Variants in SCMH1 observed in about 807,000 individuals in gnomAD.
The protein encoded by SCMH1 is polycomb protein SCMH1.
SCMH1 carries 37 observed loss-of-function variants against 70.8 expected under a neutral mutation model. The ratio of observed to expected loss-of-function variants is 0.52; its 90% CI spans 0.40 to 0.69. The LOEUF is 0.69. Among genes scored for constraint, SCMH1 ranks in the 30% least tolerant of loss-of-function variants. SCMH1 has a pLI of 0.00. For synonymous variants in SCMH1, 292 were observed against 307.4 expected, an observed-to-expected ratio of 0.95 and a Z score of 0.52; for missense variants, 607 against 827.3, an observed-to-expected ratio of 0.73 and a Z score of 3.27.
rs752943132 is a variant in SCMH1 at position 41,113,369 on chromosome 1, T to C, written c.659A>G (p.Tyr220Cys). Residue 220 changes from tyrosine to cysteine, a missense_variant, in exon 8 of 15, where the codon TAC becomes TGC. Transcript: ENST00000337495. This position sits in a 1 kb window ranked among gnomAD's most constrained non-coding sequence, Gnocchi z 4.3. ...GTCTCGGGAGTCGAAGCGGCACCAG[T>C]AGTCAAAGGCCCCTCGCCACCCATC... The C allele has an allele frequency of 6.2e-7, 1 of 1,613,820 alleles. No homozygotes were observed. Among genetic ancestry groups the C allele is most frequent in the Non-Finnish European group, 8.5e-7 (1 of 1,179,920 alleles).
chr1:41,205,238 G>A (rs1379183900), intron 1 of SCMH1, among the ~76,000 whole-genome samples: 1 of 152,196 alleles, frequency 6.6e-6, no homozygotes, highest in African/African-American at 2.4e-5. Flanking sequence ...GCATGACGGG[G>A]CATCACCTCA....
At position 41,117,865 on chromosome 1, in the gene SCMH1, C is replaced by G. The variant is rs562387515; in HGVS notation, c.413-855G>C. 3.3e-5 allele frequency among the ~76,000 whole-genome samples: 5 copies of G among 152,236 alleles called. 1 individual carries two copies. The highest frequency in any genetic ancestry group is 1.2e-4 in the African/African-American group (5 of 41,542). On this transcript the variant is annotated intron_variant, in intron 6 of 14. Transcript: ENST00000337495. ...CCTATCATGGGAGACGGCTCACACTCCTTACCCTGCCCCTTTGTCTTGTAT... is the reference window on the plus strand; with the variant it reads ...CCTATCATGGGAGACGGCTCACACTGCTTACCCTGCCCCTTTGTCTTGTAT...
At chr1:41,239,254 T>C (rs553637575) in intron 1 of SCMH1, among the ~76,000 whole-genome samples, 29 of 152,342 alleles carry the variant, frequency 1.9e-4, no homozygotes, top group African/African-American at 7.0e-4. Context: ...CTGTTTGTGG[T>C]TCTCTACGCA....
chr1:41,073,799 T>C (rs1206721037), intron 9 of SCMH1, among the ~76,000 whole-genome samples: 2 of 152,172 alleles, frequency 1.3e-5, no homozygotes, highest in Non-Finnish European at 2.9e-5. Flanking sequence ...GGAGCTTATA[T>C]TGTACAAGGA....
At chr1:41,156,190 C>T (rs995186878) in intron 4 of SCMH1, among the ~76,000 whole-genome samples, 1 of 152,072 alleles carries the variant, frequency 6.6e-6, no homozygotes, top group Admixed American at 6.6e-5. Flanking sequence ...GTCCCAAATC[C>T]CTCAACTGCT....
At chr1:41,214,458 T>C (rs192446057) in intron 1 of SCMH1, among the ~76,000 whole-genome samples, 7 of 152,290 alleles carry the variant, frequency 4.6e-5, no homozygotes, top group African/African-American at 1.7e-4. Context: ...TATACACCTT[T>C]TACATTTCAA....
At chr1:41,027,893 T>G in exon 15 of SCMH1, 1 of 352,610 alleles carries the variant, frequency 2.8e-6, no homozygotes, top group South Asian at 5.4e-5. Flanking sequence ...TGGAAGGCAT[T>G]CAGCCTAAAC....
chr1:41,035,195 A>G (rs933129296), intron 13 of SCMH1, among the ~76,000 whole-genome samples: 1 of 152,280 alleles, frequency 6.6e-6, no homozygotes, highest in South Asian at 2.1e-4. Context: ...TTAGCCTTGC[A>G]TCCTTCCTAC....
At chr1:41,033,961 A>G in intron 13 of SCMH1, 22 bp downstream of exon 14, 3 of 1,613,880 alleles carry the variant, frequency 1.9e-6, no homozygotes, top group Non-Finnish European at 2.5e-6. Flanking sequence ...GAAGATAAAA[A>G]TAACAGTAAC....
At chr1:41,055,405 A>C (rs1331264924) in intron 10 of SCMH1, among the ~76,000 whole-genome samples, 1 of 152,054 alleles carries the variant, frequency 6.6e-6, no homozygotes, top group Non-Finnish European at 1.5e-5. Flanking sequence ...GCTGGAGTGC[A>C]GTGGTGCAAT....
At chr1:41,200,071 G>A (rs1029895460) in intron 1 of SCMH1, among the ~76,000 whole-genome samples, 2 of 152,198 alleles carry the variant, frequency 1.3e-5, no homozygotes, top group African/African-American at 4.8e-5. Flanking sequence ...TTAATGCAAG[G>A]AAGGAACTAA....
At chr1:41,168,373 T>A (rs1195860283) in intron 2 of SCMH1, among the ~76,000 whole-genome samples, 1 of 152,146 alleles carries the variant, frequency 6.6e-6, no homozygotes, top group East Asian at 1.9e-4. Context: ...CAGTGACCTG[T>A]CTTTGATTTC....
intron 8 of SCMH1, among the ~76,000 whole-genome samples, chr1:41,093,522 A>G (rs1664242163): frequency 1.3e-5 from 2 of 152,216 alleles, no homozygotes; most frequent in Non-Finnish European, 2.9e-5. Flanking sequence ...AAGTATAATA[A>G]TAATAAAAAA....
At chr1:41,237,523 T>TC (rs1371015185) in intron 1 of SCMH1, among the ~76,000 whole-genome samples, 2 of 152,150 alleles carry the variant, frequency 1.3e-5, no homozygotes, top group Admixed American at 6.5e-5. Flanking sequence ...CCCTAATGTA[T>TC]CCAGAATCAA....
intron 4 of SCMH1, among the ~76,000 whole-genome samples, chr1:41,158,604 T>G (rs1184247309): frequency 1.3e-5 from 2 of 152,098 alleles, no homozygotes; most frequent in Non-Finnish European, 2.9e-5. Context: ...GAAAAAGTAG[T>G]TTAGAAAAAG....
chr1:41,179,612 A>G (rs1021664781), intron 2 of SCMH1, among the ~76,000 whole-genome samples: 1 of 152,252 alleles, frequency 6.6e-6, no homozygotes, highest in Non-Finnish European at 1.5e-5. Flanking sequence ...TAGGATATCT[A>G]GAAGAAATGG....
At chr1:41,062,740 G>GA (rs1292039887) in intron 10 of SCMH1, among the ~76,000 whole-genome samples, 9,540 of 98,008 alleles carry the variant, frequency 0.097, 491 homozygotes, top group South Asian at 0.19. Flanking sequence ...CTCCATCTCA[G>GA]AAAAAAAAAA....
intron 1 of SCMH1, among the ~76,000 whole-genome samples, chr1:41,188,096 C>T (rs569543625): frequency 6.6e-6 from 1 of 152,124 alleles, no homozygotes; most frequent in Admixed American, 6.5e-5. Flanking sequence ...CACTAAGGGG[C>T]TGGAATAAGA....
At position 41,085,697 on chromosome 1, in the gene SCMH1, A is replaced by C. The variant is rs78429617; in HGVS notation, c.746-10246T>G. 3.9e-3 allele frequency among the ~76,000 whole-genome samples: 600 copies of C among 152,312 alleles called. 3 individuals are homozygous for C. The highest frequency in any genetic ancestry group is 0.014 in the African/African-American group (569 of 41,564). On this transcript the variant is annotated intron_variant, in intron 8 of 14. Transcript: ENST00000337495. ...CAAACTGAGATGTGCTGTAAATATA[A>C]AATGCACACTGGATTTTGAAGACAC... is the stretch of plus-strand genomic sequence containing the variant.
Sources: gnomAD v4.1 joint callset for allele counts (sites outside exome capture counted in the v4.1 genomes callset) on GRCh38, gnomAD v4.1.1 for gene constraint, Gnocchi (gnomAD v3.1) non-coding constraint, MANE v1.5 for transcripts, NCBI Gene and HGNC (gene_info 2026-07-23, HGNC 2026-07-21) for gene names.